Variants in NEBL observed in about 807,000 individuals in gnomAD.
NEBL encodes LIM and SH3 protein 2.
A neutral mutation model predicts 140.2 loss-of-function variants in NEBL; 122 were observed. The observed-to-expected ratio is 0.87, with a 90% CI of 0.75 to 1.01. NEBL has a LOEUF of 1.01. NEBL is among the 50% of genes least tolerant of loss of function. NEBL has a pLI of 0.00. For missense variants in NEBL, 1,365 were observed against 1,231.3 expected (o/e 1.11, Z -1.62); for synonymous variants, 436 against 398.9 (o/e 1.09, Z -1.11).
chr10:20,858,264 C>G lies in NEBL; in HGVS notation c.879G>C (p.Leu293Phe). 1 of 1,610,310 alleles carries G rather than the reference C, an allele frequency of 6.2e-7. No homozygotes were observed. Among genetic ancestry groups the G allele is most frequent in the Non-Finnish European group, 8.5e-7 (1 of 1,176,544 alleles). The change falls in exon 9 of 28, where the codon TTG becomes TTC. Residue 293 changes from leucine (L) to phenylalanine (F), a missense_variant. This residue lies in a region of NEBL where 1,323 missense variants were observed against 1,154.8 expected (regional missense o/e 1.15). Coordinates refer to ENST00000377122, the MANE Select transcript of NEBL (RefSeq NM_006393.3). The part of the protein sequence containing the change: ...LPNLLFLDHV[L>F]KASKMLSGRE... ...CGCCGCTGAGCATTTTGCTGGCTTT[C>G]AAAACATGGTCTAAAAACAACAAAT...
chr10:21,270,368 A>ATT (rs59338756), intron 1 of NEBL, among the ~76,000 whole-genome samples: 4 of 144,284 alleles, frequency 2.8e-5, no homozygotes, highest in Non-Finnish European at 4.6e-5. Context: ...TATTTTCCAT[A>ATT]TTTTTTTTTT....
intron 1 of NEBL, among the ~76,000 whole-genome samples, chr10:21,273,389 A>G (rs1842881738): frequency 6.6e-6 from 1 of 152,180 alleles, no homozygotes; most frequent in South Asian, 2.1e-4. Context: ...TAAATTTCCT[A>G]ATAGTCCTGG....
chr10:20,929,852 C>T (rs1283630519), intron 4 of NEBL, among the ~76,000 whole-genome samples: 1 of 152,080 alleles, frequency 6.6e-6, no homozygotes, highest in East Asian at 1.9e-4. Flanking sequence ...ACACTAAAAG[C>T]CCGGACTTCA....
At position 20,797,574 on chromosome 10, in the gene NEBL, A is replaced by T. The variant is rs79423213; in HGVS notation, c.2762-10266T>A. Among the ~76,000 whole-genome samples the T allele has an allele frequency of 3.4e-3, 522 of 152,314 alleles. 19 individuals are homozygous for T. The East Asian group carries it at 0.088, about 26-fold the overall frequency. On this transcript the variant is annotated intron_variant, in intron 26 of 27. Coordinates refer to ENST00000377122, the MANE Select transcript of NEBL (RefSeq NM_006393.3). ...CAACATGATCTCAAGATACAGAAAT[A>T]CGAGAAAGTAAATGTGAATGATTGT...
intron 10 of NEBL, 116 bp from the exon 11 acceptor site, chr10:20,850,618 T>C: frequency 2.7e-6 from 2 of 728,204 alleles, no homozygotes; most frequent in Non-Finnish European, 4.7e-6. Context: ...CATATTATTC[T>C]GGCCATTTAG....
chr10:21,228,778 T>G (rs931192414), intron 3 of NEBL, among the ~76,000 whole-genome samples: 6 of 152,238 alleles, frequency 3.9e-5, no homozygotes, highest in Non-Finnish European at 5.9e-5. Flanking sequence ...TAATTGTACC[T>G]TATGAAACCT....
chr10:21,166,239 A>AAG (rs1189492247), intron 2 of NEBL, among the ~76,000 whole-genome samples: 1 of 107,406 alleles, frequency 9.3e-6, no homozygotes, highest in African/African-American at 4.8e-5. Flanking sequence ...AAAAAAAAAA[A>AAG]AAAAAAGAAA....
intron 3 of NEBL, among the ~76,000 whole-genome samples, chr10:21,188,810 G>A (rs12241505): frequency 6.6e-6 from 1 of 151,702 alleles, no homozygotes; most frequent in Non-Finnish European, 1.5e-5. Flanking sequence ...GGCTGGTCTC[G>A]AACTCCTGAG....
At chr10:20,989,778 A>G (rs1372146202) in intron 3 of NEBL, among the ~76,000 whole-genome samples, 1 of 152,206 alleles carries the variant, frequency 6.6e-6, no homozygotes, top group Admixed American at 6.5e-5. Flanking sequence ...ATGAACATTT[A>G]CAGGAGTAAA....
intron 2 of NEBL, among the ~76,000 whole-genome samples, chr10:21,102,152 A>G (rs536497302): frequency 2.6e-5 from 4 of 152,298 alleles, no homozygotes; most frequent in Admixed American, 2.6e-4. Flanking sequence ...TTCTACCACA[A>G]CTGTTAATAA....
At chr10:21,210,642 T>C (rs1841900096) in intron 3 of NEBL, among the ~76,000 whole-genome samples, 1 of 152,226 alleles carries the variant, frequency 6.6e-6, no homozygotes, top group East Asian at 1.9e-4. Context: ...ATTCTATGTA[T>C]CTTGTAAGGC....
intron 4 of NEBL, among the ~76,000 whole-genome samples, chr10:20,922,437 T>C (rs1833638363): frequency 6.6e-6 from 1 of 152,184 alleles, no homozygotes. Flanking sequence ...TCACTTTACA[T>C]CCCTCCCTCC....
At chr10:20,925,820 T>C (rs1436398629) in intron 4 of NEBL, among the ~76,000 whole-genome samples, 2 of 152,188 alleles carry the variant, frequency 1.3e-5, no homozygotes, top group Admixed American at 1.3e-4. Context: ...TAGAGCTTTC[T>C]CTAATTAACG....
chr10:21,005,069 T>G (rs183860597), intron 3 of NEBL, among the ~76,000 whole-genome samples: 67 of 152,300 alleles, frequency 4.4e-4, no homozygotes, highest in Non-Finnish European at 8.2e-4. Context: ...TAACACCTTA[T>G]GCCCTCCATT....
intron 4 of NEBL, among the ~76,000 whole-genome samples, chr10:20,951,772 C>G (rs1835479710): frequency 6.6e-6 from 1 of 152,120 alleles, no homozygotes; most frequent in Non-Finnish European, 1.5e-5. Flanking sequence ...TCTGGTTTTT[C>G]TTTAACATTC....
At chr10:20,960,277 C>T (rs1835991749) in intron 4 of NEBL, among the ~76,000 whole-genome samples, 2 of 151,834 alleles carry the variant, frequency 1.3e-5, no homozygotes, top group African/African-American at 4.8e-5. Flanking sequence ...AATGTAACTG[C>T]CAGTGTAATA....
intron 17 of NEBL, among the ~76,000 whole-genome samples, chr10:20,827,427 G>A (rs556226901): frequency 1.1e-4 from 17 of 152,288 alleles, no homozygotes; most frequent in East Asian, 9.7e-4. Flanking sequence ...GAGAGCTGGC[G>A]CTTGCCAACT....
chr10:20,924,871 G>T (rs1209930300), intron 4 of NEBL, among the ~76,000 whole-genome samples: 2 of 151,882 alleles, frequency 1.3e-5, no homozygotes, highest in African/African-American at 4.8e-5. Context: ...AGGAGTCGAG[G>T]GGTACATGGT....
intron 14 of NEBL, among the ~76,000 whole-genome samples, chr10:20,833,402 C>T (rs537386174): frequency 6.6e-6 from 1 of 152,156 alleles, no homozygotes; most frequent in East Asian, 1.9e-4. Context: ...GGCAAAGTCC[C>T]GAACATTGGT....
Sources: gnomAD v4.1 joint callset for allele counts (sites outside exome capture counted in the v4.1 genomes callset) on GRCh38, gnomAD v4.1.1 for gene constraint, gnomAD v4.1.1 regional missense constraint, MANE v1.5 for transcripts, NCBI Gene and HGNC (gene_info 2026-07-23, HGNC 2026-07-21) for gene names.